SMG6: variants seen among roughly 807,000 people sequenced by gnomAD.
The protein encoded by SMG6 is SMG6 nonsense mediated mRNA decay factor.
In SMG6, 66 loss-of-function variants were observed where a neutral mutation model predicts 142.2. That is an observed-to-expected ratio of 0.46 (90% confidence interval 0.38 to 0.57). The LOEUF is 0.57. SMG6 is among the 20% of genes least tolerant of loss of function. SMG6 has a pLI of 0.00. For synonymous variants in SMG6, 779 were observed against 702.4 expected (o/e 1.11, Z -1.72); for missense variants, 1,793 against 1,832.0 (o/e 0.98, Z 0.39).
At chr17:2,198,467 C>A (rs1349251201) in intron 10 of SMG6, among the ~76,000 whole-genome samples, 1 of 151,840 alleles carries the variant, frequency 6.6e-6, no homozygotes, top group African/African-American at 2.4e-5. Context: ...GCACAGAACC[C>A]CACACACACA....
At chr17:2,203,248 GTTAC>G (rs2151728436) in intron 10 of SMG6, among the ~76,000 whole-genome samples, 1 of 152,242 alleles carries the variant, frequency 6.6e-6, no homozygotes, top group Non-Finnish European at 1.5e-5. Flanking sequence ...TGATATTTTT[GTTAC>G]TTACAGGTTA....
intron 6 of SMG6, among the ~76,000 whole-genome samples, chr17:2,285,462 T>G (rs1319056443): frequency 6.6e-6 from 1 of 152,108 alleles, no homozygotes; most frequent in African/African-American, 2.4e-5. Flanking sequence ...TTCAGCACAG[T>G]TGCAACATAC....
At chr17:2,262,792 T>C (rs1425470425) in intron 8 of SMG6, among the ~76,000 whole-genome samples, 2 of 152,206 alleles carry the variant, frequency 1.3e-5, no homozygotes, top group Non-Finnish European at 2.9e-5. Flanking sequence ...TCACTTACTT[T>C]TCTGTGTGCA....
Position 2,067,934 on chromosome 17 carries a change from C to T in SMG6, c.3835+844G>A, listed in dbSNP as rs187571120. Among the ~76,000 whole-genome samples, 51 of 152,318 alleles carry T rather than the reference C, an allele frequency of 3.3e-4. 1 individual carries two copies. Among genetic ancestry groups the T allele is most frequent in the Non-Finnish European group, 5.9e-5 (4 of 68,028 alleles). On this transcript the variant is annotated intron_variant, in intron 16 of 18. Transcript: ENST00000263073. ...CTGGTGGCTTTTCCAGAAGACAAGG[C>T]TCTCAAACTTGCTCCAAGTAGCTGC...
At chr17:2,244,479 T>C (rs1015340032) in intron 9 of SMG6, among the ~76,000 whole-genome samples, 179 bp downstream of exon 9, 4 of 151,988 alleles carry the variant, frequency 2.6e-5, no homozygotes, top group African/African-American at 9.7e-5. Context: ...GAGAGTAATA[T>C]TTACCAAATT....
Position 2,060,255 on chromosome 17 carries a change from G to C in SMG6, c.*1237C>G, listed in dbSNP as rs2067734455. On this transcript the variant is annotated 3_prime_UTR_variant, in exon 19 of 19. Coordinates refer to ENST00000263073, the MANE Select transcript of SMG6 (RefSeq NM_017575.5). Reference sequence around the variant, plus strand: ...TCCTTGTCTCTGGCCCTGGGTTTCAGGAACTCATTCTTGGTAAGGAAGCCT... The same window carrying C: ...TCCTTGTCTCTGGCCCTGGGTTTCACGAACTCATTCTTGGTAAGGAAGCCT... 2.0e-5 allele frequency: 3 copies of C among 152,302 alleles called. No individual in the cohort carries two copies. The South Asian group carries it at 6.2e-4, about 32-fold the overall frequency. The allele number at this position is 152,302 out of a possible 1,614,324, so 9.4% of individuals were successfully genotyped here.
At chr17:2,140,249 G>C (rs902683152) in intron 13 of SMG6, among the ~76,000 whole-genome samples, 1 of 151,736 alleles carries the variant, frequency 6.6e-6, no homozygotes. Flanking sequence ...TTTTAGTAGA[G>C]ATGGGGTTTT....
At chr17:2,119,221 C>G (rs953139217) in intron 13 of SMG6, among the ~76,000 whole-genome samples, 5 of 152,058 alleles carry the variant, frequency 3.3e-5, no homozygotes, top group Non-Finnish European at 1.5e-5. Flanking sequence ...CCACGCCCGG[C>G]TAATTTTTTG....
chr17:2,258,031 A>AT (rs1183446790), intron 8 of SMG6, among the ~76,000 whole-genome samples: 5 of 90,002 alleles, frequency 5.6e-5, no homozygotes, highest in Non-Finnish European at 7.4e-5. Flanking sequence ...AAAAAAAAAA[A>AT]AAAATATACA....
chr17:2,167,455 T>C (rs1213972525), intron 13 of SMG6, among the ~76,000 whole-genome samples: 2 of 152,168 alleles, frequency 1.3e-5, no homozygotes, highest in Non-Finnish European at 2.9e-5. Context: ...AAGAGAGTAT[T>C]TGCACTCAAA....
intron 10 of SMG6, among the ~76,000 whole-genome samples, chr17:2,205,694 T>C (rs1315825412): frequency 6.6e-6 from 1 of 152,194 alleles, no homozygotes; most frequent in Non-Finnish European, 1.5e-5. Flanking sequence ...CAACTCCTTT[T>C]TCTCAGCACT....
At chr17:2,092,752 A>G (rs1049569661) in intron 13 of SMG6, among the ~76,000 whole-genome samples, 1 of 152,262 alleles carries the variant, frequency 6.6e-6, no homozygotes, top group Non-Finnish European at 1.5e-5. Context: ...AGGCAAGACA[A>G]GGCAATACAG....
In SMG6 at chr17:2,299,994, G is replaced by GCGATTCCTTC; in HGVS notation, c.749_758dup (p.Tyr254LysfsTer19). 5 of 1,614,136 alleles carry GCGATTCCTTC rather than the reference G, an allele frequency of 3.1e-6. No individual in the cohort carries two copies. The highest frequency in any genetic ancestry group is 3.4e-6 in the Non-Finnish European group (4 of 1,180,034). On this transcript the variant is annotated frameshift_variant, in exon 2 of 19. Coordinates refer to ENST00000263073, the MANE Select transcript of SMG6 (RefSeq NM_017575.5). LOFTEE classifies it high-confidence loss of function. This position sits in a 1 kb window ranked among gnomAD's most constrained non-coding sequence, Gnocchi z 4.3. ...CTGAGCTGGTGCTGCGCGTGCGGTA[G>GCGATTCCTTC]CGATTCCTTCGTTTGTCTGAGCGGG...
chr17:2,213,416 C>T (rs1269276878), intron 10 of SMG6, among the ~76,000 whole-genome samples: 4 of 152,156 alleles, frequency 2.6e-5, no homozygotes, highest in African/African-American at 7.2e-5. Flanking sequence ...GGCCTCTCAG[C>T]GCTAGGCCCT....
intron 13 of SMG6, among the ~76,000 whole-genome samples, chr17:2,136,735 T>G (rs866504589): frequency 1.3e-5 from 2 of 152,162 alleles, no homozygotes; most frequent in African/African-American, 4.8e-5. Context: ...TTTCCTTTTT[T>G]TTTTTTTAGC....
intron 8 of SMG6, among the ~76,000 whole-genome samples, chr17:2,268,854 G>A (rs2074481995): frequency 6.6e-6 from 1 of 151,446 alleles, no homozygotes; most frequent in Non-Finnish European, 1.5e-5. Flanking sequence ...AGACCTGGCA[G>A]TGAGCTGAGA....
chr17:2,079,323 A>C (rs1203308937), intron 15 of SMG6, among the ~76,000 whole-genome samples: 1 of 152,236 alleles, frequency 6.6e-6, no homozygotes, highest in African/African-American at 2.4e-5. Flanking sequence ...TCAAGAAATA[A>C]CGGTAGAAAC....
chr17:2,238,027 T>G (rs78881754), intron 9 of SMG6, among the ~76,000 whole-genome samples: 1 of 152,158 alleles, frequency 6.6e-6, no homozygotes, highest in African/African-American at 2.4e-5. Flanking sequence ...TCTCAAAAGA[T>G]AGAAAGCAGT....
chr17:2,130,551 G>A (rs1349301968), intron 13 of SMG6, among the ~76,000 whole-genome samples: 2 of 151,510 alleles, frequency 1.3e-5, no homozygotes, highest in Non-Finnish European at 2.9e-5. Flanking sequence ...AATTCCAAAT[G>A]GAACAAAGAC....
Sources: allele counts gnomAD v4.1 joint callset (sites outside exome capture counted in the v4.1 genomes callset), GRCh38; gene constraint gnomAD v4.1.1; non-coding constraint Gnocchi (gnomAD v3.1); transcripts MANE v1.5; gene names NCBI Gene and HGNC (gene_info 2026-07-23, HGNC 2026-07-21).